GNAQ: variants seen among roughly 807,000 people sequenced by gnomAD.
GNAQ encodes guanine nucleotide-binding protein G(q) subunit alpha.
Under a neutral mutation model 43.9 loss-of-function variants are expected in GNAQ, and 8 were observed. The ratio of observed to expected loss-of-function variants is 0.18; its 90% confidence interval spans 0.11 to 0.33. The LOEUF is 0.33. Ranked by LOEUF, GNAQ falls within the 10% of genes least tolerant of loss-of-function variation. GNAQ has a pLI of 1.00. For synonymous variants in GNAQ, 155 were observed against 170.7 expected (o/e 0.91, Z 0.71); for missense variants, 158 against 450.8 (o/e 0.35, Z 5.88).
At chr9:77,840,471 G>A (rs535493732) in intron 2 of GNAQ, among the ~76,000 whole-genome samples, 116 of 151,946 alleles carry the variant, frequency 7.6e-4, no homozygotes, top group African/African-American at 2.5e-3. Flanking sequence ...CAAGTAGCTG[G>A]GATTACAGGC....
chr9:77,773,418 T>TA (rs1458769223), intron 5 of GNAQ, among the ~76,000 whole-genome samples: 5 of 152,254 alleles, frequency 3.3e-5, no homozygotes, highest in African/African-American at 1.2e-4. Context: ...AGGAAGTTTG[T>TA]ATGTTATCTA....
chr9:77,939,495 A>C (rs1273815276), intron 1 of GNAQ, among the ~76,000 whole-genome samples: 2 of 152,344 alleles, frequency 1.3e-5, no homozygotes, highest in East Asian at 1.9e-4. Context: ...ATAAACTCAT[A>C]AATTTCACCA....
chr9:77,988,563 C>T (rs1313822641), intron 1 of GNAQ, among the ~76,000 whole-genome samples: 1 of 152,198 alleles, frequency 6.6e-6, no homozygotes, highest in Non-Finnish European at 1.5e-5. Flanking sequence ...TCTCATCTTG[C>T]ACCACTTATG....
At chr9:78,003,967 C>T (rs975320646) in intron 1 of GNAQ, among the ~76,000 whole-genome samples, 5 of 152,086 alleles carry the variant, frequency 3.3e-5, no homozygotes, top group Non-Finnish European at 5.9e-5. Context: ...GAACACAAGA[C>T]AAATTACATA....
intron 5 of GNAQ, among the ~76,000 whole-genome samples, chr9:77,762,910 T>TAA (rs1179346413): frequency 6.6e-6 from 1 of 151,980 alleles, no homozygotes; most frequent in Admixed American, 6.5e-5. Context: ...GCATGCTCGT[T>TAA]AAGAGTCATC....
chr9:77,872,770 C>T (rs889154091), intron 2 of GNAQ, among the ~76,000 whole-genome samples: 5 of 152,156 alleles, frequency 3.3e-5, no homozygotes, highest in African/African-American at 1.2e-4. Flanking sequence ...TTTTTAATAG[C>T]ATACCAGCCT....
At chr9:77,777,119 C>T (rs1263501295) in intron 5 of GNAQ, among the ~76,000 whole-genome samples, 1 of 152,054 alleles carries the variant, frequency 6.6e-6, no homozygotes, top group Admixed American at 6.5e-5. Context: ...GGGGCCAAGA[C>T]AATCCAATGT....
At chr9:77,726,996 T>G (rs1461326344) in intron 6 of GNAQ, among the ~76,000 whole-genome samples, 1 of 152,154 alleles carries the variant, frequency 6.6e-6, no homozygotes, top group Non-Finnish European at 1.5e-5. Context: ...GTATAATGAA[T>G]GGGTGTGGCT....
chr9:77,859,702 G>A (rs1010269763), intron 2 of GNAQ, among the ~76,000 whole-genome samples: 2 of 152,160 alleles, frequency 1.3e-5, no homozygotes, highest in Non-Finnish European at 2.9e-5. Flanking sequence ...TGGACAGACT[G>A]CATAACAGCA....
At chr9:77,756,604 G>C (rs896754379) in intron 5 of GNAQ, among the ~76,000 whole-genome samples, 7 of 152,196 alleles carry the variant, frequency 4.6e-5, no homozygotes, top group African/African-American at 1.7e-4. Flanking sequence ...CTGGGTTCCT[G>C]ACTGGCCATG....
At chr9:77,842,688 TCA>T (rs1293558145) in intron 2 of GNAQ, among the ~76,000 whole-genome samples, 7 of 152,104 alleles carry the variant, frequency 4.6e-5, no homozygotes, top group Non-Finnish European at 1.0e-4. Flanking sequence ...TAGGATTCTC[TCA>T]GTCTTGGATG....
At chr9:77,799,570 A>G (rs1408249204) in intron 3 of GNAQ, among the ~76,000 whole-genome samples, 1 of 152,186 alleles carries the variant, frequency 6.6e-6, no homozygotes, top group Non-Finnish European at 1.5e-5. Context: ...TTTCTGTATG[A>G]ATGATACCCT....
intron 2 of GNAQ, among the ~76,000 whole-genome samples, chr9:77,886,140 T>A (rs1828302135): frequency 6.6e-6 from 1 of 152,090 alleles, no homozygotes; most frequent in African/African-American, 2.4e-5. Context: ...CTAATTTTTG[T>A]ATTTTTAGTA....
At position 77,931,450 on chromosome 9, in the gene GNAQ, G is replaced by T. The variant is rs141349758; in HGVS notation, c.137-9105C>A. Among the ~76,000 whole-genome samples the T allele has an allele frequency of 4.4e-4, 67 of 152,150 alleles. No individual in the cohort carries two copies. In the East Asian group the frequency reaches 0.013, roughly 29 times the overall value. ...TACCAAAAATACAAAAATTAGCCAG[G>T]CATGGTGGCAAGCACCTGTGGTCCC... On this transcript the variant is annotated intron_variant, in intron 1 of 6. Coordinates refer to ENST00000286548, the MANE Select transcript of GNAQ (RefSeq NM_002072.5).
intron 1 of GNAQ, among the ~76,000 whole-genome samples, chr9:77,957,134 G>A (rs566478661): frequency 9.2e-5 from 14 of 152,158 alleles, no homozygotes; most frequent in Admixed American, 4.6e-4. Context: ...CGAGGCAGGC[G>A]GTCACGAGGT....
At chr9:77,992,902 G>C (rs980946070) in intron 1 of GNAQ, among the ~76,000 whole-genome samples, 16 of 152,126 alleles carry the variant, frequency 1.1e-4, no homozygotes, top group African/African-American at 3.6e-4. Context: ...CCGAGATCAA[G>C]CCACTATTCT....
chr9:77,870,536 C>G (rs1828021075), intron 2 of GNAQ, among the ~76,000 whole-genome samples: 1 of 151,724 alleles, frequency 6.6e-6, no homozygotes, highest in South Asian at 2.1e-4. Flanking sequence ...CCGTGTTAGC[C>G]AGGATGGTCT....
intron 2 of GNAQ, among the ~76,000 whole-genome samples, chr9:77,883,206 A>G (rs1828243167): frequency 6.6e-6 from 1 of 152,154 alleles, no homozygotes; most frequent in South Asian, 2.1e-4. Context: ...CTCTCTATAA[A>G]TAAGTCTTTA....
intron 6 of GNAQ, among the ~76,000 whole-genome samples, chr9:77,722,852 C>T (rs935586688): frequency 6.6e-6 from 1 of 152,072 alleles, no homozygotes; most frequent in African/African-American, 2.4e-5. Flanking sequence ...GGGGGTATCA[C>T]TATGTTGTCT....
Sources: allele counts gnomAD v4.1 joint callset (sites outside exome capture counted in the v4.1 genomes callset), GRCh38; gene constraint gnomAD v4.1.1; transcripts MANE v1.5; gene names NCBI Gene and HGNC (gene_info 2026-07-23, HGNC 2026-07-21).